Variants in NDUFA10 observed in about 807,000 individuals in gnomAD.
The protein encoded by NDUFA10 is NADH:ubiquinone oxidoreductase subunit A10.
NDUFA10 carries 40 observed loss-of-function variants against 47.8 expected under a neutral mutation model. The observed-to-expected ratio is 0.84, with a 90% CI of 0.65 to 1.09. The LOEUF (loss-of-function observed/expected upper bound fraction) is 1.09, where lower values mean the gene tolerates loss of function less well. Among genes scored for constraint, NDUFA10 ranks in the 50% least tolerant of loss-of-function variants. The pLI is 0.00. For missense variants in NDUFA10, 413 were observed against 451.1 expected (o/e 0.92, Z 0.76); for synonymous variants, 183 against 172.2 (o/e 1.06, Z -0.49).
intron 4 of NDUFA10, among the ~76,000 whole-genome samples, chr2:239,908,596 G>T (rs549657799): frequency 6.6e-6 from 1 of 152,306 alleles, no homozygotes; most frequent in East Asian, 1.9e-4. Flanking sequence ...TAGCAGGCAG[G>T]CCTTTAATTC....
rs993828390 is a variant in NDUFA10, at chr2:239,928,962, C to T, written c.295-33648G>A. Among the ~76,000 whole-genome samples, 6 of 152,240 alleles carry T rather than the reference C, an allele frequency of 3.9e-5. No homozygotes were observed. The highest frequency in any genetic ancestry group is 1.4e-4 in the African/African-American group (6 of 41,474). ...CACTCCCGAGGTCAGGAGCCCCCGA[C>T]TCTTCCTCCTGCACCTACTCCTGTC... is the stretch of plus-strand genomic sequence containing the variant. On this transcript the variant is annotated intron_variant, in intron 4 of 5. Coordinates refer to the NDUFA10 transcript ENST00000419408. The surrounding 1 kb of genome is among the most constrained non-coding windows in gnomAD (Gnocchi z 4.3).
intron 9 of NDUFA10, among the ~76,000 whole-genome samples, chr2:239,979,015 A>G (rs531824839): frequency 4.6e-5 from 7 of 152,346 alleles, no homozygotes; most frequent in African/African-American, 1.7e-4. Flanking sequence ...TATAAGCTCC[A>G]AACAGATTTC....
rs967797038 is a variant in NDUFA10, at chr2:239,960,081, C to T, written c.*1037G>A. On this transcript the variant is annotated 3_prime_UTR_variant, in exon 10 of 10. Transcript: ENST00000252711. ...ATTTTAGCTCATTTAAATTTCAATA[C>T]CCACATGTGGCTAGGAGCTACCATA... The T allele has an allele frequency of 3.6e-5, 35 of 985,210 alleles. No individual in the cohort carries two copies. The African/African-American group carries it at 5.2e-4, about 15-fold the overall frequency. 61.0% of individuals were successfully genotyped at this position (985,210 alleles called of 1,614,324 possible).
intron 4 of NDUFA10, among the ~76,000 whole-genome samples, chr2:239,936,418 C>T (rs191785283): frequency 2.6e-5 from 4 of 152,280 alleles, no homozygotes; most frequent in South Asian, 2.1e-4. Context: ...GGCTGCTCTG[C>T]GTGACACTGA....
chr2:239,939,912 G>A (rs2106378065), intron 4 of NDUFA10, among the ~76,000 whole-genome samples: 1 of 152,344 alleles, frequency 6.6e-6, no homozygotes, highest in South Asian at 2.1e-4. Flanking sequence ...GGGGCAGCCA[G>A]CCCTACTCAG....
intron 4 of NDUFA10, among the ~76,000 whole-genome samples, chr2:239,930,370 G>A (rs181517337): frequency 2.0e-3 from 297 of 152,018 alleles, no homozygotes; most frequent in African/African-American, 6.0e-3. Flanking sequence ...TCCTTCAGCC[G>A]TGCATGCAGA....
intron 4 of NDUFA10, among the ~76,000 whole-genome samples, chr2:239,916,393 CACAT>C (rs1379165106): frequency 2.0e-5 from 3 of 151,836 alleles, no homozygotes; most frequent in Admixed American, 6.6e-5. Flanking sequence ...CACATTGACA[CACAT>C]ACAAACACAC....
intron 9 of NDUFA10, among the ~76,000 whole-genome samples, chr2:239,965,033 G>A (rs182451521): frequency 2.0e-5 from 3 of 152,300 alleles, no homozygotes; most frequent in Non-Finnish European, 2.9e-5. Flanking sequence ...GACCAGCCAC[G>A]CAGGTCTGTT....
chr2:239,994,016 C>T (rs562448971), intron 8 of NDUFA10, among the ~76,000 whole-genome samples: 15 of 152,190 alleles, frequency 9.9e-5, no homozygotes, highest in Non-Finnish European at 1.8e-4. Context: ...TTGGCAGGCT[C>T]GAGCTCTCGA....
chr2:239,920,728 G>A (rs113170604), intron 4 of NDUFA10, among the ~76,000 whole-genome samples: 1,824 of 152,286 alleles, frequency 0.012, 30 homozygotes, highest in African/African-American at 0.041. Context: ...TTTGCGTGAC[G>A]GCGATGGAGG....
chr2:239,980,268 A>C (rs1001053135), intron 9 of NDUFA10, among the ~76,000 whole-genome samples: 3 of 152,230 alleles, frequency 2.0e-5, no homozygotes, highest in Non-Finnish European at 2.9e-5. Flanking sequence ...GTGGTAGGAC[A>C]CTGGGATGAC....
downstream of NDUFA10, among the ~76,000 whole-genome samples, chr2:239,956,503 C>A (rs544066105): frequency 1.2e-4 from 19 of 152,314 alleles, no homozygotes; most frequent in African/African-American, 2.6e-4. Context: ...AAGGGCTGTG[C>A]GCTGCCTGCT....
chr2:239,988,872 A>T (rs1384806524), intron 9 of NDUFA10, among the ~76,000 whole-genome samples: 10 of 151,866 alleles, frequency 6.6e-5, no homozygotes, highest in Non-Finnish European at 1.5e-4. Flanking sequence ...ACACACTCAC[A>T]CACGTGTACA....
chr2:239,944,527 G>A (rs901754243), intron 4 of NDUFA10, among the ~76,000 whole-genome samples: 8 of 152,204 alleles, frequency 5.3e-5, no homozygotes, highest in Non-Finnish European at 1.2e-4. Context: ...TTCAGGCCGG[G>A]TCTGGACAAG....
At chr2:239,977,330 C>T (rs1204995879) in intron 9 of NDUFA10, among the ~76,000 whole-genome samples, 1 of 152,222 alleles carries the variant, frequency 6.6e-6, no homozygotes, top group East Asian at 1.9e-4. Context: ...GCCAGCGTCC[C>T]GCCACTGTCC....
intron 9 of NDUFA10, among the ~76,000 whole-genome samples, chr2:239,974,635 T>C (rs1695441717): frequency 6.6e-6 from 1 of 152,256 alleles, no homozygotes; most frequent in African/African-American, 2.4e-5. Context: ...AGTAGGCTCT[T>C]ACTCTGAGTT....
chr2:239,979,377 G>T (rs1372212434), intron 9 of NDUFA10, among the ~76,000 whole-genome samples: 1 of 152,066 alleles, frequency 6.6e-6, no homozygotes, highest in Non-Finnish European at 1.5e-5. Flanking sequence ...CTGCAGGAGA[G>T]GCAACACAGC....
At chr2:240,002,865 CTTT>C (rs1455698482) in intron 8 of NDUFA10, among the ~76,000 whole-genome samples, 2 of 152,088 alleles carry the variant, frequency 1.3e-5, no homozygotes, top group African/African-American at 4.8e-5. Context: ...AAGTGAACTT[CTTT>C]TGAGAGACAG....
chr2:239,946,471 G>A (rs1244974617), intron 4 of NDUFA10, among the ~76,000 whole-genome samples: 7 of 152,312 alleles, frequency 4.6e-5, no homozygotes, highest in South Asian at 2.1e-4. Flanking sequence ...GGCCCTCCCC[G>A]CAGGCACTGC....
Sources: allele counts gnomAD v4.1 joint callset (sites outside exome capture counted in the v4.1 genomes callset), GRCh38; gene constraint gnomAD v4.1.1; non-coding constraint Gnocchi (gnomAD v3.1); transcripts MANE v1.5; gene names NCBI Gene and HGNC (gene_info 2026-07-23, HGNC 2026-07-21).